Variants in SETD3 observed in about 807,000 individuals in gnomAD.
SETD3 encodes the protein actin-histidine N-methyltransferase.
In SETD3, 19 loss-of-function variants were observed where a neutral mutation model predicts 63.0. The ratio of observed to expected loss-of-function variants is 0.30; its 90% confidence interval spans 0.21 to 0.44. The LOEUF (loss-of-function observed/expected upper bound fraction) is 0.44, where lower values mean the gene tolerates loss of function less well. Ranked by LOEUF, SETD3 falls within the 20% of genes least tolerant of loss-of-function variation. The pLI, the probability that SETD3 is intolerant of heterozygous loss-of-function variation, is 1.00. For missense variants in SETD3, 587 were observed against 728.5 expected (o/e 0.81, Z 2.24); for synonymous variants, 286 against 264.1 (o/e 1.08, Z -0.80).
intron 1 of SETD3, among the ~76,000 whole-genome samples, chr14:99,479,038 T>C (rs1896120565): frequency 6.6e-6 from 1 of 152,184 alleles, no homozygotes; most frequent in Non-Finnish European, 1.5e-5. Flanking sequence ...GCTATAACCG[T>C]ACATACAGAC....
chr14:99,470,934 T>C (rs1260540431), intron 1 of SETD3, among the ~76,000 whole-genome samples: 1 of 152,180 alleles, frequency 6.6e-6, no homozygotes, highest in Non-Finnish European at 1.5e-5. Flanking sequence ...CTGGCTGTCA[T>C]TCCCTGACAT....
chr14:99,420,881 G>A (rs1000247200), intron 6 of SETD3, among the ~76,000 whole-genome samples: 4 of 128,558 alleles, frequency 3.1e-5, no homozygotes, highest in Non-Finnish European at 4.7e-5. Flanking sequence ...AACCTGCCAG[G>A]TCATCCAAGC....
At chr14:99,460,888 C>G (rs967793617) in intron 4 of SETD3, among the ~76,000 whole-genome samples, 1 of 152,200 alleles carries the variant, frequency 6.6e-6, no homozygotes, top group African/African-American at 2.4e-5. Flanking sequence ...AACCATGAGT[C>G]CACCTCCTTA....
At chr14:99,410,287 G>A (rs368364019) in intron 8 of SETD3, 111 of 1,609,348 alleles carry the variant, frequency 6.9e-5, no homozygotes, top group South Asian at 3.9e-4. Flanking sequence ...CAGGTTGTTC[G>A]GAGAGACTTG....
upstream of SETD3, among the ~76,000 whole-genome samples, chr14:99,483,423 C>A (rs1479737151): frequency 6.6e-6 from 1 of 152,120 alleles, no homozygotes; most frequent in African/African-American, 2.4e-5. Flanking sequence ...TGTGGAGGTG[C>A]ATGCCTGTAG....
intron 6 of SETD3, among the ~76,000 whole-genome samples, chr14:99,437,654 G>A (rs1052971346): frequency 1.3e-5 from 2 of 152,264 alleles, no homozygotes; most frequent in South Asian, 4.2e-4. Context: ...TGTGTGATAT[G>A]ATGTGTGTGC....
At chr14:99,423,173 A>G (rs892764253) in intron 6 of SETD3, among the ~76,000 whole-genome samples, 15 of 152,214 alleles carry the variant, frequency 9.9e-5, no homozygotes, top group African/African-American at 2.9e-4. Flanking sequence ...GAGGGAAGTA[A>G]CAAAACTTCT....
At chr14:99,426,576 A>C (rs1471666166) in intron 6 of SETD3, among the ~76,000 whole-genome samples, 1 of 152,222 alleles carries the variant, frequency 6.6e-6, no homozygotes, top group Non-Finnish European at 1.5e-5. Flanking sequence ...TGGACCTGGC[A>C]AACAGAAGGT....
At chr14:99,447,058 G>A (rs1894175734) in intron 6 of SETD3, among the ~76,000 whole-genome samples, 1 of 151,388 alleles carries the variant, frequency 6.6e-6, no homozygotes, top group Non-Finnish European at 1.5e-5. Context: ...CTGCAACTCT[G>A]CCTCCCGGGT....
intron 6 of SETD3, among the ~76,000 whole-genome samples, chr14:99,457,483 A>AG (rs758850208): frequency 8.5e-4 from 130 of 152,374 alleles, no homozygotes; most frequent in Non-Finnish European, 1.6e-3. Context: ...AGACCATTTA[A>AG]GGAACAACCA....
intron 6 of SETD3, among the ~76,000 whole-genome samples, chr14:99,428,022 G>A (rs1892977361): frequency 6.6e-6 from 1 of 152,186 alleles, no homozygotes; most frequent in African/African-American, 2.4e-5. Context: ...GGGAAGCTGA[G>A]CAGCTGGGGT....
chr14:99,440,365 C>A (rs1404567696), intron 6 of SETD3, among the ~76,000 whole-genome samples: 1 of 152,192 alleles, frequency 6.6e-6, no homozygotes, highest in Non-Finnish European at 1.5e-5. Context: ...CTAAAAGTAG[C>A]AGCTCTCCAA....
At chr14:99,422,749 G>A (rs975497650) in intron 6 of SETD3, among the ~76,000 whole-genome samples, 8 of 152,200 alleles carry the variant, frequency 5.3e-5, no homozygotes, top group African/African-American at 1.9e-4. Context: ...AAATCTCACT[G>A]ATAACAAAAT....
intron 6 of SETD3, among the ~76,000 whole-genome samples, chr14:99,440,212 A>G (rs1893723075): frequency 6.6e-6 from 1 of 152,242 alleles, no homozygotes; most frequent in Non-Finnish European, 1.5e-5. Flanking sequence ...TAAACACAGT[A>G]TCCATGCTAT....
In SETD3 at chr14:99,433,733, G is replaced by A. The variant is rs1032521137; in HGVS notation, c.676-19799C>T. Among the ~76,000 whole-genome samples, 6 of 152,062 alleles carry A rather than the reference G, an allele frequency of 3.9e-5. No individual in the cohort carries two copies. The East Asian group carries it at 7.7e-4, about 20-fold the overall frequency. ...ATTACACGTGTGAGCTACCACATCC[G>A]GCCTTAAAAATTCTTTAATGAGCGT... On this transcript the variant is annotated intron_variant, in intron 6 of 12. Coordinates refer to ENST00000331768, the MANE Select transcript of SETD3 (RefSeq NM_032233.3).
intron 6 of SETD3, among the ~76,000 whole-genome samples, chr14:99,429,602 TTCACTCAGTCA>T (rs1482102775): frequency 6.6e-6 from 1 of 152,228 alleles, no homozygotes; most frequent in African/African-American, 2.4e-5. Context: ...ATGTTCAGCA[TTCACTCAGTCA>T]TCTGATAACT....
chr14:99,403,472 CTCTCTCTCTCTCTCTCTT>C lies in SETD3; in HGVS notation c.1177+735_1177+752del, dbSNP rs1262191421. ...ACACACACACTCTCTCTCTCTCTCT[CTCTCTCTCTCTCTCTCTT>C]TCTCTCTCTTAAAAATGAAACCTCA... On this transcript the variant is annotated intron_variant, in intron 11 of 12. Transcript: ENST00000331768. Among the ~76,000 whole-genome samples the C allele has an allele frequency of 3.1e-3, 467 of 150,448 alleles. 4 individuals carry two copies. Among genetic ancestry groups the C allele is most frequent in the African/African-American group, 0.011 (451 of 40,084 alleles).
intron 1 of SETD3, among the ~76,000 whole-genome samples, chr14:99,471,417 T>G (rs553720035): frequency 1.3e-5 from 2 of 152,320 alleles, no homozygotes; most frequent in South Asian, 4.1e-4. Context: ...TAATTAGAGA[T>G]AGATTGGCCA....
intron 6 of SETD3, among the ~76,000 whole-genome samples, chr14:99,442,216 T>C (rs928637658): frequency 6.6e-6 from 1 of 152,194 alleles, no homozygotes; most frequent in Non-Finnish European, 1.5e-5. Flanking sequence ...AATCATACCT[T>C]CTCATTGGGT....
Sources: allele counts gnomAD v4.1 joint callset (sites outside exome capture counted in the v4.1 genomes callset), GRCh38; gene constraint gnomAD v4.1.1; transcripts MANE v1.5; gene names NCBI Gene and HGNC (gene_info 2026-07-23, HGNC 2026-07-21).